Variants in IGSF3 observed in about 807,000 individuals in gnomAD.
IGSF3 encodes the protein immunoglobulin superfamily member 3, also known as glu-Trp-Ile EWI motif-containing protein 3.
Under a neutral mutation model 114.4 loss-of-function variants are expected in IGSF3, and 23 were observed. The observed-to-expected ratio is 0.20, with a 90% CI of 0.14 to 0.28. The LOEUF (loss-of-function observed/expected upper bound fraction) is 0.28. Among genes scored for constraint, IGSF3 ranks in the 10% least tolerant of loss-of-function variants. The pLI is 1.00. For missense variants in IGSF3, 1,172 were observed against 1,591.5 expected (o/e 0.74, Z 4.48); for synonymous variants, 571 against 645.2 (o/e 0.88, Z 1.74).
At position 116,644,312 on chromosome 1, in the gene IGSF3, T is replaced by G. The variant is rs1036934066; in HGVS notation, c.43+21972A>C. On this transcript the variant is annotated intron_variant, in intron 2 of 10. Coordinates refer to ENST00000369486, the MANE Select transcript of IGSF3 (RefSeq NM_001007237.3). The surrounding 1 kb of genome is among the most constrained non-coding windows in gnomAD (Gnocchi z 5.6). ...AACAATGCAGAAAACTGCAGTCATTTGGCCGCTTGTTAAGGAGAGCCCTGA... is the reference window on the plus strand; with the variant it reads ...AACAATGCAGAAAACTGCAGTCATTGGGCCGCTTGTTAAGGAGAGCCCTGA... Among the ~76,000 whole-genome samples the G allele has an allele frequency of 6.6e-6, 1 of 152,258 alleles. No individual in the cohort carries two copies. Among genetic ancestry groups the G allele is most frequent in the Non-Finnish European group, 1.5e-5 (1 of 68,050 alleles).
At chr1:116,631,317 CAAAAAAAAAAAA>C (rs939848949) in intron 2 of IGSF3, among the ~76,000 whole-genome samples, 44 of 46,086 alleles carry the variant, frequency 9.5e-4, no homozygotes, top group East Asian at 3.7e-3. Flanking sequence ...GACGCTGTCT[CAAAAAAAAAAAA>C]AAAAAAAAAA....
rs530575758 is a variant in IGSF3 at position 116,585,802 on chromosome 1, A to G, written c.2441-750T>C. Among the ~76,000 whole-genome samples the G allele has an allele frequency of 4.6e-5, 7 of 152,148 alleles. No individual in the cohort carries two copies. The highest frequency in any genetic ancestry group is 8.8e-5 in the Non-Finnish European group (6 of 68,020). The stretch of plus-strand genomic sequence containing the variant: ...CCAGGTGTGGTGGTGTGCGCCTGTA[A>G]TCCCAGCTACTCGGGAGGTGAAGGT... On this transcript the variant is annotated intron_variant, in intron 8 of 10. Coordinates refer to ENST00000369486, the MANE Select transcript of IGSF3 (RefSeq NM_001007237.3). The surrounding 1 kb of genome is among the most constrained non-coding windows in gnomAD (Gnocchi z 4.9).
rs41299557 is a variant in IGSF3, at chr1:116,584,873, C to T, written c.2620G>A (p.Ala874Thr). The T allele has an allele frequency of 3.4e-5, 55 of 1,614,230 alleles. No homozygotes were observed. The highest frequency in any genetic ancestry group is 4.0e-5 in the Non-Finnish European group (47 of 1,180,042). ...GCCTGCTCTCCATAGTGGAAGGTGGCGTCACGGCTCAAGCGGGCCACAGTC... is the reference window on the plus strand; with the variant it reads ...GCCTGCTCTCCATAGTGGAAGGTGGTGTCACGGCTCAAGCGGGCCACAGTC... ...RETVARLSRD[A>T]TFHYGEQAAK... The change falls in exon 9 of 11, where the codon GCC (alanine) becomes ACC (threonine). Residue 874 changes from alanine (A) to threonine (T), a missense_variant. By Grantham distance (58) the Ala-to-Thr change is moderately conservative (BLOSUM62 0). This residue lies in a region of IGSF3 where 423 missense variants were observed against 509.8 expected (regional missense o/e 0.83). Coordinates refer to ENST00000369486, the MANE Select transcript of IGSF3 (RefSeq NM_001007237.3). The surrounding 1 kb of genome is among the most constrained non-coding windows in gnomAD (Gnocchi z 5.8).
rs1557877327 is a variant in IGSF3 at position 116,627,017 on chromosome 1, G to A, written c.44-10560C>T. On this transcript the variant is annotated intron_variant, in intron 2 of 10. Transcript: ENST00000369486. This position sits in a 1 kb window ranked among gnomAD's most constrained non-coding sequence, Gnocchi z 4.7. ...TATTTGCCTTCTATTTTCTAGAGGG[G>A]AAAAAAATTAAAAGGCAAGATCAGA... Among the ~76,000 whole-genome samples, 1 of 152,136 alleles carries A rather than the reference G, an allele frequency of 6.6e-6. No homozygotes were observed. Among genetic ancestry groups the A allele is most frequent in the East Asian group, 1.9e-4 (1 of 5,194 alleles).
At chr1:116,599,490 G>C (rs1660482185) in intron 7 of IGSF3, among the ~76,000 whole-genome samples, 1 of 152,074 alleles carries the variant, frequency 6.6e-6, no homozygotes, top group Non-Finnish European at 1.5e-5. Context: ...TGTGATGTGT[G>C]ATCCCTGGTT....
At chr1:116,611,929 TGG>T (rs1388283395) in intron 4 of IGSF3, among the ~76,000 whole-genome samples, 3 of 152,130 alleles carry the variant, frequency 2.0e-5, no homozygotes, top group Non-Finnish European at 4.4e-5. Context: ...CTGTGGAGAC[TGG>T]CTACATGTTT....
chr1:116,654,419 G>C lies in IGSF3; in HGVS notation c.43+11865C>G, dbSNP rs1407013812. Among the ~76,000 whole-genome samples, 1 of 152,212 alleles carries C rather than the reference G, an allele frequency of 6.6e-6. No homozygotes were observed. The highest frequency in any genetic ancestry group is 1.5e-5 in the Non-Finnish European group (1 of 68,036). ...AAAAGTGCAGATCAATGCCTCCTTAGGGTTAACCCCAGGTTGGGAGAGGGC... is the reference window on the plus strand; with the variant it reads ...AAAAGTGCAGATCAATGCCTCCTTACGGTTAACCCCAGGTTGGGAGAGGGC... On this transcript the variant is annotated intron_variant, in intron 2 of 10. Transcript: ENST00000369486. This position sits in a 1 kb window ranked among gnomAD's most constrained non-coding sequence, Gnocchi z 4.4.
chr1:116,590,392 C>G (rs1456491010), intron 7 of IGSF3, among the ~76,000 whole-genome samples: 2 of 151,244 alleles, frequency 1.3e-5, no homozygotes, highest in Non-Finnish European at 3.0e-5. Flanking sequence ...AACAAAAAAA[C>G]AATTCTAAGT....
intron 2 of IGSF3, among the ~76,000 whole-genome samples, chr1:116,656,761 C>A (rs1204543803): frequency 1.3e-5 from 2 of 152,014 alleles, no homozygotes; most frequent in Admixed American, 6.6e-5. Context: ...AACCCCATCT[C>A]TACTAAAAAT....
intron 2 of IGSF3, among the ~76,000 whole-genome samples, chr1:116,637,129 G>T (rs1647864595): frequency 6.6e-6 from 1 of 152,144 alleles, no homozygotes; most frequent in Non-Finnish European, 1.5e-5. Context: ...GAGAGTGATG[G>T]AATCTTGAGG....
Position 116,629,879 on chromosome 1 carries a change from T to C in IGSF3, c.44-13422A>G, listed in dbSNP as rs1647477767. ...CCTTCTAACGCATCTCTTCTCTTGCTTCTTCCAATTGGATGCCTTCATGAG... is the reference window on the plus strand; with the variant it reads ...CCTTCTAACGCATCTCTTCTCTTGCCTCTTCCAATTGGATGCCTTCATGAG... On this transcript the variant is annotated intron_variant, in intron 2 of 10. Transcript: ENST00000369486. The surrounding 1 kb of genome is among the most constrained non-coding windows in gnomAD (Gnocchi z 4.3). 6.6e-6 allele frequency among the ~76,000 whole-genome samples: 1 copy of C among 152,248 alleles called. No homozygotes were observed. The highest frequency in any genetic ancestry group is 2.4e-5 in the African/African-American group (1 of 41,468).
At position 116,577,150 on chromosome 1, in the gene IGSF3, C is replaced by CA. The variant is rs1414757675; in HGVS notation, c.*161dup. 5.8e-6 allele frequency: 4 copies of CA among 694,158 alleles called. No homozygotes were observed. The highest frequency in any genetic ancestry group is 9.5e-6 in the Non-Finnish European group (4 of 422,880). The allele number at this position is 694,158 out of a possible 1,614,324, so 43.0% of individuals were successfully genotyped here. On this transcript the variant is annotated 3_prime_UTR_variant, in exon 11 of 11. Coordinates refer to ENST00000369486, the MANE Select transcript of IGSF3 (RefSeq NM_001007237.3). This position sits in a 1 kb window ranked among gnomAD's most constrained non-coding sequence, Gnocchi z 5.7. ...ACCAACCAAGACTGCCACCGAGAGGCAGTCTGTCTCTGTGACTGACTGGGA... is the reference window on the plus strand; with the variant it reads ...ACCAACCAAGACTGCCACCGAGAGGCAAGTCTGTCTCTGTGACTGACTGGGA...
intron 2 of IGSF3, among the ~76,000 whole-genome samples, chr1:116,646,615 G>A (rs1179204987): frequency 1.8e-4 from 27 of 152,208 alleles, no homozygotes; most frequent in Non-Finnish European, 1.5e-5. Context: ...CGAGTGAGTT[G>A]TCAGCGGTGA....
chr1:116,601,617 A>C (rs1660594075), intron 6 of IGSF3, among the ~76,000 whole-genome samples: 1 of 152,256 alleles, frequency 6.6e-6, no homozygotes, highest in African/African-American at 2.4e-5. Flanking sequence ...AAGACTGGCC[A>C]CAGGATGAAT....
Position 116,589,135 on chromosome 1 carries a change from C to G in IGSF3, c.2030-31G>C. 6.3e-7 allele frequency: 1 copy of G among 1,581,814 alleles called. No homozygotes were observed. Among genetic ancestry groups the G allele is most frequent in the East Asian group, 2.2e-5 (1 of 44,636 alleles). Reference sequence around the variant, plus strand: ...AAGGAAAGGGGAACACAGGAATCACCACAGACTCCCAGAAACGTGGCCCAT... The same window carrying G: ...AAGGAAAGGGGAACACAGGAATCACGACAGACTCCCAGAAACGTGGCCCAT... On this transcript the variant is annotated intron_variant, in intron 7 of 10. Coordinates refer to ENST00000369486, the MANE Select transcript of IGSF3 (RefSeq NM_001007237.3). The surrounding 1 kb of genome is among the most constrained non-coding windows in gnomAD (Gnocchi z 5.7).
Position 116,614,111 on chromosome 1 carries a change from C to A in IGSF3, c.486G>T (p.Pro162=). The change falls in exon 4 of 11, where the codon CCG becomes CCT. Residue 162 remains proline, a synonymous_variant. Transcript: ENST00000369486. This position sits in a 1 kb window ranked among gnomAD's most constrained non-coding sequence, Gnocchi z 4.5. ...PQTLHRVEQD[P]LELTCEVASE... ...AGGCCACCTCACAAGTGAGCTCCAG[C>A]GGGTCCTGCTCCACTCTGTGCAGAG... is the stretch of plus-strand genomic sequence containing the variant. 1 of 1,613,944 alleles carries A rather than the reference C, an allele frequency of 6.2e-7. No individual in the cohort carries two copies. Among genetic ancestry groups the A allele is most frequent in the East Asian group, 2.2e-5 (1 of 44,880 alleles).
At chr1:116,620,765 G>A (rs948578281) in intron 2 of IGSF3, among the ~76,000 whole-genome samples, 3 of 152,152 alleles carry the variant, frequency 2.0e-5, no homozygotes, top group African/African-American at 7.2e-5. Flanking sequence ...TGTTGAGACA[G>A]GGTCTCACTC....
In IGSF3 at chr1:116,577,164, G is replaced by T; in HGVS notation, c.*148C>A. 1.2e-6 allele frequency: 1 copy of T among 838,188 alleles called. No individual in the cohort carries two copies. The highest frequency in any genetic ancestry group is 1.8e-6 in the Non-Finnish European group (1 of 549,538). 51.9% of individuals were successfully genotyped at this position (838,188 alleles called of 1,614,324 possible). ...CCACCGAGAGGCAGTCTGTCTCTGT[G>T]ACTGACTGGGAACTTGGAACACTTT... On this transcript the variant is annotated 3_prime_UTR_variant, in exon 11 of 11. Transcript: ENST00000369486. This position sits in a 1 kb window ranked among gnomAD's most constrained non-coding sequence, Gnocchi z 5.7.
At position 116,615,915 on chromosome 1, in the gene IGSF3, G is replaced by C. The variant is rs1399593039; in HGVS notation, c.421+165C>G. 6.6e-6 allele frequency among the ~76,000 whole-genome samples: 1 copy of C among 152,206 alleles called. No individual in the cohort carries two copies. Among genetic ancestry groups the C allele is most frequent in the Non-Finnish European group, 1.5e-5 (1 of 68,044 alleles). On this transcript the variant is annotated intron_variant, in intron 3 of 10. Transcript: ENST00000369486. The surrounding 1 kb of genome is among the most constrained non-coding windows in gnomAD (Gnocchi z 4.3). The stretch of plus-strand genomic sequence containing the variant: ...ACCCTCAACCACCTATTATTTAGAA[G>C]TGAACACAGAAATTTAGTTTCCTTG...
Sources: allele counts gnomAD v4.1 joint callset (sites outside exome capture counted in the v4.1 genomes callset), GRCh38; gene constraint gnomAD v4.1.1; regional missense constraint gnomAD v4.1.1; non-coding constraint Gnocchi (gnomAD v3.1); transcripts MANE v1.5; gene names NCBI Gene and HGNC (gene_info 2026-07-23, HGNC 2026-07-21).